The following SOCS7 variants were observed in gnomAD, a reference collection of about 807,000 sequenced individuals.
The protein encoded by SOCS7 is NAP-4.
In SOCS7, 18 loss-of-function variants were observed where a neutral mutation model predicts 58.9. That is an observed-to-expected ratio of 0.31 (90% confidence interval 0.21 to 0.45). The LOEUF (loss-of-function observed/expected upper bound fraction) is 0.45. Ranked by LOEUF, SOCS7 falls within the 20% of genes least tolerant of loss-of-function variation. The pLI is 1.00. For synonymous variants in SOCS7, 388 were observed against 364.3 expected (o/e 1.06, Z -0.74); for missense variants, 667 against 837.3 (o/e 0.80, Z 2.51).
chr17:38,381,319 C>CATT (rs1354286341), intron 7 of SOCS7, among the ~76,000 whole-genome samples: 1 of 152,016 alleles, frequency 6.6e-6, no homozygotes, highest in Admixed American at 6.6e-5. Context: ...AAGGGGAAGG[C>CATT]ATTATATAAG....
At chr17:38,361,874 G>A (rs1219496043) in intron 2 of SOCS7, 99 bp downstream of exon 2, 17 of 810,024 alleles carry the variant, frequency 2.1e-5, no homozygotes, top group East Asian at 7.5e-5. Flanking sequence ...AGCTGTAGGC[G>A]TGTCTGCAGT....
At chr17:38,370,512 A>G (rs993319630) in intron 6 of SOCS7, among the ~76,000 whole-genome samples, 60 of 146,934 alleles carry the variant, frequency 4.1e-4, no homozygotes, top group African/African-American at 1.3e-3. Flanking sequence ...AATTTAAAAA[A>G]ATTTTTTTAG....
At chr17:38,375,315 CCT>C (rs1036164852) in intron 6 of SOCS7, among the ~76,000 whole-genome samples, 3 of 151,928 alleles carry the variant, frequency 2.0e-5, no homozygotes, top group Admixed American at 6.6e-5. Context: ...CTCTGCCACC[CCT>C]GAGACACCCC....
intron 1 of SOCS7, 71 bp downstream of exon 1, chr17:38,353,103 C>G: frequency 7.3e-7 from 1 of 1,374,092 alleles, no homozygotes; most frequent in South Asian, 1.4e-5. Flanking sequence ...CTATTGCTAT[C>G]GCGATCCTGA....
intron 7 of SOCS7, among the ~76,000 whole-genome samples, chr17:38,391,953 G>C (rs774461178): frequency 3.9e-5 from 6 of 152,284 alleles, no homozygotes; most frequent in South Asian, 2.1e-4. Context: ...TCTTTGTTGG[G>C]AGAAACGAAA....
At position 38,366,271 on chromosome 17, in the gene SOCS7, C is replaced by T; in HGVS notation, c.1253-16C>T. 1.2e-6 allele frequency: 2 copies of T among 1,612,860 alleles called. No individual in the cohort carries two copies. The highest frequency in any genetic ancestry group is 2.2e-5 in the South Asian group (2 of 90,908). On this transcript the variant is annotated splice_polypyrimidine_tract_variant and intron_variant, in intron 4 of 9. Transcript: ENST00000612932. ...AGTGAGGGTAAACAAGTGACCACCA[C>T]TGTCTTGCCCTGCAGATGCATTTCC...
At chr17:38,378,554 T>G (rs149556069) in intron 7 of SOCS7, among the ~76,000 whole-genome samples, 1 of 152,146 alleles carries the variant, frequency 6.6e-6, no homozygotes, top group South Asian at 2.1e-4. Flanking sequence ...CAGTTGCACA[T>G]TGCACTCTGT....
chr17:38,392,990 CTAAA>C (rs1410564111), intron 7 of SOCS7, among the ~76,000 whole-genome samples: 2 of 152,026 alleles, frequency 1.3e-5, no homozygotes, highest in African/African-American at 2.4e-5. Flanking sequence ...GTTTTAAAGA[CTAAA>C]TAAGTTATCA....
At chr17:38,371,863 C>G (rs1013811150) in intron 6 of SOCS7, among the ~76,000 whole-genome samples, 7 of 149,142 alleles carry the variant, frequency 4.7e-5, no homozygotes, top group African/African-American at 1.7e-4. Context: ...GTTCAGATTC[C>G]CTTTTCCATT....
At chr17:38,365,651 C>T (rs2037779854) in intron 4 of SOCS7, 1 of 395,630 alleles carries the variant, frequency 2.5e-6, no homozygotes, top group South Asian at 7.5e-5. Flanking sequence ...AATTTTTCAT[C>T]AGTCTTTGCT....
chr17:38,389,906 T>TATATATATATATAGAGAG (rs1555571102), intron 7 of SOCS7, among the ~76,000 whole-genome samples: 1 of 103,472 alleles, frequency 9.7e-6, no homozygotes, highest in African/African-American at 4.7e-5. Flanking sequence ...TATACACATA[T>TATATATATATATAGAGAG]AGAGAGAGAG....
In SOCS7 at chr17:38,364,842, G is replaced by A. The variant is rs749081189; in HGVS notation, c.1136G>A (p.Ser379Asn). 2.5e-6 allele frequency: 4 copies of A among 1,613,288 alleles called. No homozygotes were observed. Among genetic ancestry groups the A allele is most frequent in the Non-Finnish European group, 3.4e-6 (4 of 1,179,396 alleles). ...PPTPPPPPRR[S>N]LSLLDDISGT... ...ACTCCCCCTCCTCCTCCGAGAAGAA[G>A]CCTCAGCCTCCTAGGTATAGTTTCT... The change falls in exon 3 of 10, where the codon AGC (serine) becomes AAC (asparagine). Residue 379 changes from serine to asparagine, a missense_variant. Coordinates refer to ENST00000612932, the MANE Select transcript of SOCS7 (RefSeq NM_014598.4).
chr17:38,351,931 A>G lies in SOCS7; in HGVS notation c.-122A>G, dbSNP rs1029938352. ...CCCCCCGCCCCCCTCTATGAGGCAG[A>G]GGCCGCGGCGGCCGTTAGCGCTGTC... On this transcript the variant is annotated 5_prime_UTR_variant, in exon 1 of 10. Transcript: ENST00000612932. Among the ~76,000 whole-genome samples the G allele has an allele frequency of 1.3e-5, 2 of 151,192 alleles. No individual in the cohort carries two copies. Among genetic ancestry groups the G allele is most frequent in the African/African-American group, 4.9e-5 (2 of 41,220 alleles).
chr17:38,363,288 C>T (rs1485855620), intron 2 of SOCS7, among the ~76,000 whole-genome samples: 1 of 152,164 alleles, frequency 6.6e-6, no homozygotes, highest in African/African-American at 2.4e-5. Context: ...CTTTCAGTTA[C>T]CAAGCTGTAT....
In SOCS7 at chr17:38,352,805, A is replaced by G. The variant is rs1331556325; in HGVS notation, c.753A>G (p.Gln251=). 3.9e-6 allele frequency: 6 copies of G among 1,537,480 alleles called. No individual in the cohort carries two copies. The highest frequency in any genetic ancestry group is 3.6e-5 in the South Asian group (3 of 83,512). ...AGCAGCAGCAGCAGCAGCAGCAGCA[A>G]CCTCCCCCGCCCCCGCCTCCTCCCG... ...RGEQQQQQQQ[Q]PPPPPPPPGP... is the part of the protein sequence containing the mutation. The change falls in exon 1 of 10, where the codon CAA becomes CAG. Residue 251 remains glutamine, a synonymous_variant. Transcript: ENST00000612932. This position sits in a 1 kb window ranked among gnomAD's most constrained non-coding sequence, Gnocchi z 5.5.
chr17:38,378,920 G>C (rs1173410186), intron 7 of SOCS7, among the ~76,000 whole-genome samples: 1 of 152,142 alleles, frequency 6.6e-6, no homozygotes, highest in Non-Finnish European at 1.5e-5. Context: ...TACTTTGGGA[G>C]GCTGAGACAG....
At chr17:38,364,346 T>A (rs2037758824) in intron 2 of SOCS7, among the ~76,000 whole-genome samples, 1 of 152,194 alleles carries the variant, frequency 6.6e-6, no homozygotes, top group South Asian at 2.1e-4. Flanking sequence ...TTGCTTTCCA[T>A]GTCTGTTTGG....
chr17:38,396,129 G>A, intron 9 of SOCS7, 131 bp downstream of exon 9: 1 of 703,006 alleles, frequency 1.4e-6, no homozygotes, highest in Non-Finnish European at 2.2e-6. Flanking sequence ...CCCATAGAAT[G>A]ACAAGATCTG....
chr17:38,355,542 T>A (rs1368456358), intron 1 of SOCS7, among the ~76,000 whole-genome samples: 1 of 152,096 alleles, frequency 6.6e-6, no homozygotes, highest in Non-Finnish European at 1.5e-5. Context: ...GAGTTTGGAT[T>A]TTTAGCTTGT....
Sources: gnomAD v4.1 joint callset for allele counts (sites outside exome capture counted in the v4.1 genomes callset) on GRCh38, gnomAD v4.1.1 for gene constraint, Gnocchi (gnomAD v3.1) non-coding constraint, MANE v1.5 for transcripts, NCBI Gene and HGNC (gene_info 2026-07-23, HGNC 2026-07-21) for gene names.